The following SMOC1 variants were observed in gnomAD, a reference collection of about 807,000 sequenced individuals.
SMOC1 encodes SPARC-related modular calcium-binding protein 1.
Under a neutral mutation model 56.3 loss-of-function variants are expected in SMOC1, and 22 were observed. That is an observed-to-expected ratio of 0.39 (90% confidence interval 0.28 to 0.56). The LOEUF is 0.56. Ranked by LOEUF, SMOC1 falls within the 20% of genes least tolerant of loss-of-function variation. The pLI, the probability that SMOC1 is intolerant of heterozygous loss-of-function variation, is 0.61. For missense variants in SMOC1, 509 were observed against 565.4 expected, an observed-to-expected ratio of 0.90 and a Z score of 1.01; for synonymous variants, 193 against 215.0, an observed-to-expected ratio of 0.90 and a Z score of 0.89.
At chr14:69,994,613 TAAAG>T in intron 7 of SMOC1, 133 bp downstream of exon 7, 1 of 749,408 alleles carries the variant, frequency 1.3e-6, no homozygotes, top group Non-Finnish European at 2.3e-6. Context: ...AGCTATAAAA[TAAAG>T]AGATTGGATA....
At chr14:70,001,627 A>C (rs906676104) in intron 7 of SMOC1, among the ~76,000 whole-genome samples, 10 of 152,072 alleles carry the variant, frequency 6.6e-5, no homozygotes, top group Admixed American at 4.6e-4. Context: ...TGTTGAGGAG[A>C]CGGGTCATTC....
intron 1 of SMOC1, among the ~76,000 whole-genome samples, chr14:69,945,096 T>G (rs997750547): frequency 6.6e-6 from 1 of 152,186 alleles, no homozygotes; most frequent in Non-Finnish European, 1.5e-5. Context: ...TCATGATATA[T>G]TTTAGGTAAG....
At chr14:69,987,036 A>C (rs1884391776) in intron 5 of SMOC1, among the ~76,000 whole-genome samples, 1 of 152,154 alleles carries the variant, frequency 6.6e-6, no homozygotes, top group African/African-American at 2.4e-5. Context: ...CAGGCTCTTA[A>C]GGGACTTTTG....
Position 69,879,604 on chromosome 14 carries a change from G to T in SMOC1, c.-75G>T. The T allele has an allele frequency of 8.3e-7, 1 of 1,205,564 alleles. No homozygotes were observed. Among genetic ancestry groups the T allele is most frequent in the Non-Finnish European group, 1.1e-6 (1 of 927,264 alleles). The allele number at this position is 1,205,564 out of a possible 1,614,324, so 74.7% of individuals were successfully genotyped here. A position where few individuals can be genotyped will look rare whatever the true frequency, so the allele number is the denominator to read the frequency against. On this transcript the variant is annotated 5_prime_UTR_variant, in exon 1 of 12. Coordinates refer to ENST00000361956, the MANE Select transcript of SMOC1 (RefSeq NM_001034852.3). ...CCGCGAGGGCCCCGAGCGAAGGAAG[G>T]AAGGGAGGCGCGCTGTGCGCCCCGC...
At chr14:69,920,669 G>A (rs570035717) in intron 1 of SMOC1, among the ~76,000 whole-genome samples, 3 of 152,326 alleles carry the variant, frequency 2.0e-5, no homozygotes, top group Admixed American at 6.5e-5. Context: ...AGTCTGGTGG[G>A]GGGGAGGCAA....
chr14:69,937,932 G>C lies in SMOC1; in HGVS notation c.100-14206G>C, dbSNP rs189692168. ...AGAATTCGATGATATAGCAAGACTGGGATTTCCTCTTCTGTTTGTTTTAGC... is the reference window on the plus strand; with the variant it reads ...AGAATTCGATGATATAGCAAGACTGCGATTTCCTCTTCTGTTTGTTTTAGC... On this transcript the variant is annotated intron_variant, in intron 1 of 11. Transcript: ENST00000361956. Among the ~76,000 whole-genome samples, 3 of 152,252 alleles carry C rather than the reference G, an allele frequency of 2.0e-5. No individual in the cohort carries two copies. In the East Asian group the frequency reaches 5.8e-4, roughly 29 times the overall value.
At chr14:69,902,887 C>T (rs965243792) in intron 1 of SMOC1, among the ~76,000 whole-genome samples, 11 of 152,210 alleles carry the variant, frequency 7.2e-5, no homozygotes, top group South Asian at 2.1e-4. Context: ...CCCAAGGTGC[C>T]GGGATTGCAG....
At chr14:69,889,774 T>C (rs1883911806) in intron 1 of SMOC1, among the ~76,000 whole-genome samples, 1 of 152,186 alleles carries the variant, frequency 6.6e-6, no homozygotes, top group African/African-American at 2.4e-5. Context: ...AGAGAATCTA[T>C]TTTCTTGCCT....
chr14:69,921,446 G>A (rs1884839648), intron 1 of SMOC1, among the ~76,000 whole-genome samples: 1 of 152,114 alleles, frequency 6.6e-6, no homozygotes, highest in Non-Finnish European at 1.5e-5. Context: ...CCCTATTCTG[G>A]GCCAAGTTTT....
intron 1 of SMOC1, among the ~76,000 whole-genome samples, chr14:69,916,526 C>T (rs555319674): frequency 6.6e-6 from 1 of 152,352 alleles, no homozygotes; most frequent in South Asian, 2.1e-4. Context: ...TTCTCCTTGG[C>T]TGCCTCTCTG....
intron 11 of SMOC1, among the ~76,000 whole-genome samples, chr14:70,025,315 A>G (rs1885883934): frequency 6.6e-6 from 1 of 152,208 alleles, no homozygotes; most frequent in South Asian, 2.1e-4. Flanking sequence ...CTCAGTTGTC[A>G]GAGTAAACCC....
At chr14:69,952,656 G>A (rs1883046602) in intron 2 of SMOC1, among the ~76,000 whole-genome samples, 1 of 152,160 alleles carries the variant, frequency 6.6e-6, no homozygotes, top group Admixed American at 6.5e-5. Flanking sequence ...TGTTTGGTCT[G>A]TTTGCCTGTT....
chr14:69,969,729 T>C (rs1883693620), intron 3 of SMOC1, among the ~76,000 whole-genome samples: 1 of 152,206 alleles, frequency 6.6e-6, no homozygotes, highest in African/African-American at 2.4e-5. Context: ...CTCTTAGGGA[T>C]AAATCATTAA....
At chr14:69,880,380 C>T (rs1883604030) in intron 1 of SMOC1, among the ~76,000 whole-genome samples, 2 of 152,156 alleles carry the variant, frequency 1.3e-5, no homozygotes, top group South Asian at 2.1e-4. Context: ...GGGAGAGTTG[C>T]GCAATGTTCA....
At chr14:69,992,612 GTTGTTTTAACCTTTTT>G in intron 6 of SMOC1, 139 bp downstream of exon 6, 2 of 763,534 alleles carry the variant, frequency 2.6e-6, no homozygotes, top group Non-Finnish European at 2.2e-6. Context: ...TGTAAGCTGG[GTTGTTTTAACCTTTTT>G]AAAAAATGCA....
intron 1 of SMOC1, among the ~76,000 whole-genome samples, chr14:69,939,843 A>G (rs1487830818): frequency 2.6e-5 from 4 of 152,120 alleles, no homozygotes; most frequent in Non-Finnish European, 5.9e-5. Context: ...TCTTTGCCCA[A>G]AGGATGCTTA....
chr14:70,010,928 T>A lies in SMOC1; in HGVS notation c.839T>A (p.Leu280Gln). 1 of 1,612,744 alleles carries A rather than the reference T, an allele frequency of 6.2e-7. No homozygotes were observed. The highest frequency in any genetic ancestry group is 8.5e-7 in the Non-Finnish European group (1 of 1,180,012). Residue 280 changes from leucine to glutamine, a missense_variant, in exon 8 of 12, where the codon CTG (leucine) becomes CAG (glutamine). Physicochemically the swap from Leu to Gln is moderately radical, Grantham distance 113 (BLOSUM62 -2). This residue lies in a region of SMOC1 where 18 missense variants were observed against 44.2 expected (regional missense o/e 0.41). Coordinates refer to ENST00000361956, the MANE Select transcript of SMOC1 (RefSeq NM_001034852.3). ...WCVLVDTGRP[L>Q]PGTSTRYVMP... ...GTGCTGGTGGACACAGGGCGCCCGC[T>A]GCCTGGGACCTCCACACGGTAAGCC...
At chr14:69,954,559 C>A (rs1883120583) in intron 3 of SMOC1, among the ~76,000 whole-genome samples, 1 of 152,184 alleles carries the variant, frequency 6.6e-6, no homozygotes, top group Admixed American at 6.5e-5. Flanking sequence ...TATGCAGGGG[C>A]TTGTGGCTGA....
intron 1 of SMOC1, among the ~76,000 whole-genome samples, chr14:69,884,872 T>C (rs58043894): frequency 0.27 from 40,679 of 151,954 alleles, 5,601 homozygotes; most frequent in African/African-American, 0.34. Context: ...GTGATGCCTC[T>C]GGCTTTGTTC....
Sources: allele counts gnomAD v4.1 joint callset (sites outside exome capture counted in the v4.1 genomes callset), GRCh38; gene constraint gnomAD v4.1.1; regional missense constraint gnomAD v4.1.1; transcripts MANE v1.5; gene names NCBI Gene and HGNC (gene_info 2026-07-23, HGNC 2026-07-21).